SLC2A1: variants seen among roughly 807,000 people sequenced by gnomAD.
SLC2A1 encodes the protein solute carrier family 2 member 1.
SLC2A1 carries 4 observed loss-of-function variants against 46.6 expected under a neutral mutation model. The ratio of observed to expected loss-of-function variants is 0.09; its 90% CI spans 0.04 to 0.20. The LOEUF is 0.20. Among genes scored for constraint, SLC2A1 ranks in the 10% least tolerant of loss-of-function variants. The pLI is 1.00. For synonymous variants in SLC2A1, 253 were observed against 270.0 expected (o/e 0.94, Z 0.62); for missense variants, 352 against 667.0 (o/e 0.53, Z 5.20).
chr1:42,958,232 C>A (rs1461203052), intron 1 of SLC2A1, among the ~76,000 whole-genome samples: 1 of 151,456 alleles, frequency 6.6e-6, no homozygotes, highest in Admixed American at 6.6e-5. Flanking sequence ...AGCCAATGGG[C>A]GCCGCGCTCG....
At position 42,947,581 on chromosome 1, in the gene SLC2A1, CAAAAAAAAAAA is replaced by C. The variant is rs144784155; in HGVS notation, c.19-4271_19-4261del. 4.6e-3 allele frequency among the ~76,000 whole-genome samples: 255 copies of C among 55,832 alleles called. 4 individuals are homozygous for C. The highest frequency in any genetic ancestry group is 0.04 in the Admixed American group (218 of 5,388). The allele number at this position is 55,832 out of a possible 152,430, so 36.6% of individuals were successfully genotyped here. ...TACTAAAATTACACACACACACACA[CAAAAAAAAAAA>C]AAAAAAAAAAAAAACAGCTGGATAT... On this transcript the variant is annotated intron_variant, in intron 1 of 9. Transcript: ENST00000426263.
In SLC2A1 at chr1:42,930,358, A is replaced by C. The variant is rs1643475341; in HGVS notation, c.516+268T>G. ...GCCTCCTGGAGAGAGGGTACTGTGCATAACAGCCTGCGGCATGTTGGGGGA... is the reference window on the plus strand; with the variant it reads ...GCCTCCTGGAGAGAGGGTACTGTGCCTAACAGCCTGCGGCATGTTGGGGGA... On this transcript the variant is annotated intron_variant, in intron 4 of 9. Coordinates refer to ENST00000426263, the MANE Select transcript of SLC2A1 (RefSeq NM_006516.4). The surrounding 1 kb of genome is among the most constrained non-coding windows in gnomAD (Gnocchi z 6.2). The C allele has an allele frequency of 3.0e-6, 2 of 671,210 alleles. No homozygotes were observed. Among genetic ancestry groups the C allele is most frequent in the Non-Finnish European group, 5.4e-6 (2 of 367,758 alleles). The allele number at this position is 671,210 out of a possible 1,614,324, so 41.6% of individuals were successfully genotyped here.
chr1:42,957,675 A>G (rs970224541), intron 1 of SLC2A1, among the ~76,000 whole-genome samples: 1 of 152,216 alleles, frequency 6.6e-6, no homozygotes, highest in Non-Finnish European at 1.5e-5. Context: ...TTTGTTGAAA[A>G]GAAATCGCTC....
Position 42,943,256 on chromosome 1 carries a change from G to A in SLC2A1, c.84C>T (p.Tyr28=), listed in dbSNP as rs1418027264. ...GGGGGGCATTGATGACTCCAGTGTT[G>A]TAGCCAAACTGCAGGGAGCCAAGCA... ...GAVLGSLQFG[Y]NTGVINAPQK... The change falls in exon 2 of 10, where the codon TAC becomes TAT. Residue 28 remains tyrosine (Y), a synonymous_variant. Coordinates refer to ENST00000426263, the MANE Select transcript of SLC2A1 (RefSeq NM_006516.4). 1 of 1,613,774 alleles carries A rather than the reference G, an allele frequency of 6.2e-7. No homozygotes were observed.
intron 2 of SLC2A1, among the ~76,000 whole-genome samples, chr1:42,937,765 T>C (rs903031435): frequency 1.3e-5 from 2 of 152,162 alleles, no homozygotes. Context: ...TTTATGGTAG[T>C]GGTGACGGGT....
At chr1:42,947,567 CACACACACACACACAAAAAA>C (rs1643669753) in intron 1 of SLC2A1, among the ~76,000 whole-genome samples, 3 of 96,600 alleles carry the variant, frequency 3.1e-5, no homozygotes, top group Admixed American at 1.1e-4. Flanking sequence ...ACTAAAATTA[CACACACACACACACAAAAAA>C]AAAAAAAAAA....
chr1:42,939,725 A>G (rs1643576812), intron 2 of SLC2A1, among the ~76,000 whole-genome samples: 1 of 152,152 alleles, frequency 6.6e-6, no homozygotes, highest in Non-Finnish European at 1.5e-5. Context: ...AGGCAGGTGG[A>G]TCGCCTGAGG....
At chr1:42,957,394 G>A (rs970880871) in intron 1 of SLC2A1, among the ~76,000 whole-genome samples, 2 of 152,122 alleles carry the variant, frequency 1.3e-5, no homozygotes, top group Non-Finnish European at 2.9e-5. Flanking sequence ...CCGAGGGTGC[G>A]GCCCAGCGCC....
intron 1 of SLC2A1, among the ~76,000 whole-genome samples, chr1:42,949,030 T>G (rs1643692020): frequency 6.9e-6 from 1 of 145,510 alleles, no homozygotes; most frequent in Admixed American, 7.0e-5. Flanking sequence ...ATCGCGCCAC[T>G]GCACTCCAGC....
intron 1 of SLC2A1, among the ~76,000 whole-genome samples, chr1:42,955,201 A>C (rs1462978660): frequency 6.6e-6 from 1 of 152,226 alleles, no homozygotes; most frequent in Non-Finnish European, 1.5e-5. Context: ...AGCAAGAAAT[A>C]TTTATGGAGC....
chr1:42,938,775 G>A (rs1171518432), intron 2 of SLC2A1, among the ~76,000 whole-genome samples: 2 of 152,164 alleles, frequency 1.3e-5, no homozygotes, highest in East Asian at 3.9e-4. Context: ...CCTGCCCTAT[G>A]AGGTCAACTA....
At position 42,929,702 on chromosome 1, in the gene SLC2A1, C is replaced by G. The variant is rs777498634; in HGVS notation, c.758G>C (p.Arg253Pro). The G allele has an allele frequency of 6.2e-7, 1 of 1,613,906 alleles. No homozygotes were observed. Among genetic ancestry groups the G allele is most frequent in the Non-Finnish European group, 8.5e-7 (1 of 1,179,986 alleles). Residue 253 changes from arginine (R) to proline (P), a missense_variant, in exon 6 of 10, where the codon CGG becomes CCG. By Grantham distance (103) the Arg-to-Pro change is moderately radical. Around this residue, in one of 5 missense-constraint regions of SLC2A1, gnomAD observed 167 missense variants for 280.8 expected, o/e 0.59. Transcript: ENST00000426263. This position sits in a 1 kb window ranked among gnomAD's most constrained non-coding sequence, Gnocchi z 6.0. ...CTCCAGGATGGTGACCTTCTTCTCCCGCATCATCTGCCGACTCTCTTCCTT... is the reference window on the plus strand; with the variant it reads ...CTCCAGGATGGTGACCTTCTTCTCCGGCATCATCTGCCGACTCTCTTCCTT... The part of the protein sequence containing the change: ...EMKEESRQMM[R>P]EKKVTILELF...
chr1:42,947,368 C>T (rs922168413), intron 1 of SLC2A1, among the ~76,000 whole-genome samples: 1 of 152,108 alleles, frequency 6.6e-6, no homozygotes, highest in Non-Finnish European at 1.5e-5. Flanking sequence ...TCTTCCAGGC[C>T]TTTGCTCTTG....
chr1:42,931,689 C>T (rs903207584), intron 2 of SLC2A1, among the ~76,000 whole-genome samples: 4 of 151,856 alleles, frequency 2.6e-5, no homozygotes, highest in Admixed American at 2.0e-4. Context: ...ATTAGCTGGA[C>T]GTGGTGGCGC....
intron 1 of SLC2A1, among the ~76,000 whole-genome samples, chr1:42,944,891 C>A (rs1041616350): frequency 6.6e-6 from 1 of 152,104 alleles, no homozygotes; most frequent in African/African-American, 2.4e-5. Flanking sequence ...CAGCCCCCAC[C>A]CCCCGTATGT....
Position 42,927,559 on chromosome 1 carries a change from T to G in SLC2A1, c.1278+46A>C. On this transcript the variant is annotated intron_variant, in intron 9 of 9. Transcript: ENST00000426263. The surrounding 1 kb of genome is among the most constrained non-coding windows in gnomAD (Gnocchi z 5.3). ...TGGGCCAGCACTTTGCACAGCACTG[T>G]GGGGTCATGCGTGCGGGTGAGTATA... is the stretch of plus-strand genomic sequence containing the variant. 1 of 1,140,534 alleles carries G rather than the reference T, an allele frequency of 8.8e-7. No individual in the cohort carries two copies. The highest frequency in any genetic ancestry group is 1.4e-5 in the South Asian group (1 of 71,964). The allele number at this position is 1,140,534 out of a possible 1,614,324, so 70.7% of individuals were successfully genotyped here. A position where few individuals can be genotyped will look rare whatever the true frequency, so the allele number is the denominator to read the frequency against.
Position 42,956,031 on chromosome 1 carries a change from T to G in SLC2A1, c.18+2603A>C, listed in dbSNP as rs918984466. Among the ~76,000 whole-genome samples, 8 of 152,276 alleles carry G rather than the reference T, an allele frequency of 5.3e-5. No individual in the cohort carries two copies. In the South Asian group the frequency reaches 1.7e-3, roughly 32 times the overall value. On this transcript the variant is annotated intron_variant, in intron 1 of 9. Coordinates refer to ENST00000426263, the MANE Select transcript of SLC2A1 (RefSeq NM_006516.4). ...GATCTTGTGTGAAAGGCAAGCGATA[T>G]GACCTCCCCAGGCCTCTAACATCAT...
chr1:42,928,361 CTAAA>C (rs1263333725), intron 8 of SLC2A1, among the ~76,000 whole-genome samples: 2 of 152,186 alleles, frequency 1.3e-5, no homozygotes, highest in East Asian at 1.9e-4. Flanking sequence ...TGCCCAGAGG[CTAAA>C]TAAACGAGTG....
chr1:42,952,987 T>C (rs1227329901), intron 1 of SLC2A1, among the ~76,000 whole-genome samples: 1 of 152,210 alleles, frequency 6.6e-6, no homozygotes, highest in Non-Finnish European at 1.5e-5. Flanking sequence ...TCATCCCCAG[T>C]ACAGCTGAGG....
Sources: gnomAD v4.1 joint callset for allele counts (sites outside exome capture counted in the v4.1 genomes callset) on GRCh38, gnomAD v4.1.1 for gene constraint, gnomAD v4.1.1 regional missense constraint, Gnocchi (gnomAD v3.1) non-coding constraint, MANE v1.5 for transcripts, NCBI Gene and HGNC (gene_info 2026-07-23, HGNC 2026-07-21) for gene names.